Variants in JPT2 observed in about 807,000 individuals in gnomAD.
JPT2 encodes Jupiter microtubule associated homolog 2.
Under a neutral mutation model 15.9 loss-of-function variants are expected in JPT2, and 9 were observed. The ratio of observed to expected loss-of-function variants is 0.57; its 90% CI spans 0.34 to 0.99. The LOEUF is 0.99. Among genes scored for constraint, JPT2 ranks in the 50% least tolerant of loss-of-function variants. The probability of loss-of-function intolerance (pLI) is 0.02; values close to 1 mark genes in which losing one functional copy is unlikely to be tolerated. For synonymous variants in JPT2, 95 were observed against 91.7 expected (o/e 1.04, Z -0.21); for missense variants, 267 against 252.1 (o/e 1.06, Z -0.40).
chr16:1,683,463 C>T, intron 1 of JPT2: 1 of 1,263,978 alleles, frequency 7.9e-7, no homozygotes, highest in Non-Finnish European at 1.1e-6. Flanking sequence ...AATAATTTTT[C>T]TTAAGTGCAC....
rs1003830133 is a variant in JPT2, at chr16:1,698,693, A to C, written c.386-118A>C. 2.1e-6 allele frequency: 2 copies of C among 972,336 alleles called. No homozygotes were observed. Among genetic ancestry groups the C allele is most frequent in the African/African-American group, 3.3e-5 (2 of 60,494 alleles). 60.2% of individuals were successfully genotyped at this position (972,336 alleles called of 1,614,324 possible). A position where few individuals can be genotyped will look rare whatever the true frequency, so the allele number is the denominator to read the frequency against. On this transcript the variant is annotated intron_variant, in intron 4 of 4. Transcript: ENST00000248098. The surrounding 1 kb of genome is among the most constrained non-coding windows in gnomAD (Gnocchi z 4.9). Reference sequence around the variant, plus strand: ...CTGTCTATATTGTCTTCTCTTTCCCAGTTACAGCATGAATTTCTTGCAGGT... The same window carrying C: ...CTGTCTATATTGTCTTCTCTTTCCCCGTTACAGCATGAATTTCTTGCAGGT...
Position 1,698,672 on chromosome 16 carries a change from C to G in JPT2, c.386-139C>G. ...TTTTGGTACCAGATGAAAAGCCTGT[C>G]TATATTGTCTTCTCTTTCCCAGTTA... On this transcript the variant is annotated intron_variant, in intron 4 of 4. Transcript: ENST00000248098. This position sits in a 1 kb window ranked among gnomAD's most constrained non-coding sequence, Gnocchi z 4.9. The G allele has an allele frequency of 3.6e-6, 3 of 822,548 alleles. No homozygotes were observed. Among genetic ancestry groups the G allele is most frequent in the South Asian group, 3.7e-5 (2 of 53,782 alleles). 51.0% of individuals were successfully genotyped at this position (822,548 alleles called of 1,614,324 possible). A position where few individuals can be genotyped will look rare whatever the true frequency, so the allele number is the denominator to read the frequency against.
intron 3 of JPT2, among the ~76,000 whole-genome samples, chr16:1,697,346 C>G (rs1368195237): frequency 6.6e-6 from 1 of 151,964 alleles, no homozygotes; most frequent in African/African-American, 2.4e-5. Context: ...AACCCTGTCT[C>G]TACAAAAAAT....
In JPT2 at chr16:1,699,142, A is replaced by T; in HGVS notation, c.*144A>T. 1.2e-6 allele frequency: 1 copy of T among 860,868 alleles called. No homozygotes were observed. The allele number at this position is 860,868 out of a possible 1,614,324, so 53.3% of individuals were successfully genotyped here. A position where few individuals can be genotyped will look rare whatever the true frequency, so the allele number is the denominator to read the frequency against. On this transcript the variant is annotated 3_prime_UTR_variant, in exon 5 of 5. Transcript: ENST00000248098. ...GGCTGCTCAGCGTCTCCTGGCCGTC[A>T]TGACAGCTGCTTGGAGACCCGTGCC...
chr16:1,697,684 G>A, intron 3 of JPT2, 128 bp from the exon 4 acceptor site: 1 of 760,494 alleles, frequency 1.3e-6, no homozygotes, highest in Non-Finnish European at 2.3e-6. Context: ...GATTGGGGGG[G>A]TCCTGAGGTC....
At chr16:1,685,300 C>A in intron 1 of JPT2, 139 bp from the exon 2 acceptor site, 1 of 896,862 alleles carries the variant, frequency 1.1e-6, no homozygotes, top group Admixed American at 2.6e-5. Context: ...TGCGCTCCAG[C>A]CTGGGTGACA....
intron 2 of JPT2, among the ~76,000 whole-genome samples, chr16:1,691,562 GA>G (rs1028237886): frequency 6.6e-6 from 1 of 152,152 alleles, no homozygotes; most frequent in Non-Finnish European, 1.5e-5. Context: ...ATTCTAGAGG[GA>G]AAATCTGCAG....
rs1180848538 is a variant in JPT2 at position 1,701,976 on chromosome 16, G to A, written c.*2978G>A. 2.7e-6 allele frequency: 1 copy of A among 363,764 alleles called. No individual in the cohort carries two copies. Among genetic ancestry groups the A allele is most frequent in the Non-Finnish European group, 5.6e-6 (1 of 178,086 alleles). 22.5% of individuals were successfully genotyped at this position (363,764 alleles called of 1,614,324 possible). A position where few individuals can be genotyped will look rare whatever the true frequency, so the allele number is the denominator to read the frequency against. Reference sequence around the variant, plus strand: ...CAGGAGGATCACTTGAGACCAGGAGGTTGTGGCTGTAGTGAGTGATGATCA... The same window carrying A: ...CAGGAGGATCACTTGAGACCAGGAGATTGTGGCTGTAGTGAGTGATGATCA... On this transcript the variant is annotated 3_prime_UTR_variant, in exon 5 of 5. Transcript: ENST00000248098.
downstream of JPT2, among the ~76,000 whole-genome samples, chr16:1,702,858 T>TA (rs1287780482): frequency 5.9e-5 from 9 of 152,342 alleles, no homozygotes; most frequent in South Asian, 1.0e-3. Flanking sequence ...TTTAGAAACT[T>TA]ACATTTTATA....
chr16:1,691,908 C>G lies in JPT2; in HGVS notation c.259C>G (p.Pro87Ala). 6.2e-7 allele frequency: 1 copy of G among 1,614,148 alleles called. No homozygotes were observed. The highest frequency in any genetic ancestry group is 8.5e-7 in the Non-Finnish European group (1 of 1,180,032). ...PVQTRQHLNP[P>A]GGKTSDIFGS... Reference sequence around the variant, plus strand: ...GCAGACTCGACAGCACCTGAACCCACCTGGAGGGAAGACCAGCGACATTTT... The same window carrying G: ...GCAGACTCGACAGCACCTGAACCCAGCTGGAGGGAAGACCAGCGACATTTT... Residue 87 changes from proline (P) to alanine (A), a missense_variant, in exon 3 of 5, where the codon CCT becomes GCT. Physicochemically the swap from Pro to Ala is conservative, Grantham distance 27 (BLOSUM62 -1). Coordinates refer to ENST00000248098, the MANE Select transcript of JPT2 (RefSeq NM_144570.3).
chr16:1,687,436 C>A (rs1464016801), intron 2 of JPT2, among the ~76,000 whole-genome samples: 35 of 152,126 alleles, frequency 2.3e-4, no homozygotes, highest in Admixed American at 2.3e-3. Flanking sequence ...TCCTTTTTAG[C>A]AAGGATAGCA....
At chr16:1,691,529 A>G (rs75087069) in intron 2 of JPT2, among the ~76,000 whole-genome samples, 2,930 of 152,300 alleles carry the variant, frequency 0.019, 117 homozygotes, top group African/African-American at 0.067. Flanking sequence ...ACAGGAAAGC[A>G]TGAAATGTTC....
intron 2 of JPT2, among the ~76,000 whole-genome samples, chr16:1,687,391 C>T (rs1353776191): frequency 1.3e-5 from 2 of 152,054 alleles, no homozygotes; most frequent in South Asian, 2.1e-4. Flanking sequence ...TCGTTGTTTC[C>T]GGTTTATGAA....
At chr16:1,691,422 T>C (rs918119481) in intron 2 of JPT2, among the ~76,000 whole-genome samples, 1 of 152,238 alleles carries the variant, frequency 6.6e-6, no homozygotes, top group African/African-American at 2.4e-5. Context: ...GGGCATGTTA[T>C]TAAATTCAGA....
chr16:1,696,462 A>G (rs2037142882), intron 3 of JPT2, among the ~76,000 whole-genome samples: 1 of 151,886 alleles, frequency 6.6e-6, no homozygotes, highest in Non-Finnish European at 1.5e-5. Context: ...CAAAGGGCGC[A>G]GTGAGCCGAG....
Position 1,700,316 on chromosome 16 carries a change from C to T in JPT2, c.*1318C>T. Reference sequence around the variant, plus strand: ...TGCTTTCATCTTCAGGCAGAAGCCTCTGCCCATCCCCCTCAAGGGCTGCAG... The same window carrying T: ...TGCTTTCATCTTCAGGCAGAAGCCTTTGCCCATCCCCCTCAAGGGCTGCAG... On this transcript the variant is annotated 3_prime_UTR_variant, in exon 5 of 5. Transcript: ENST00000248098. 1 of 369,424 alleles carries T rather than the reference C, an allele frequency of 2.7e-6. No homozygotes were observed. Among genetic ancestry groups the T allele is most frequent in the Non-Finnish European group, 5.6e-6 (1 of 177,902 alleles). The allele number at this position is 369,424 out of a possible 1,614,324, so 22.9% of individuals were successfully genotyped here.
intron 2 of JPT2, chr16:1,689,647 T>G (rs2037091080): frequency 6.6e-6 from 1 of 152,218 alleles, no homozygotes; most frequent in Non-Finnish European, 1.5e-5. Context: ...CTCACTTGTT[T>G]CCCACGCTAG....
Position 1,701,840 on chromosome 16 carries a change from C to T in JPT2, c.*2842C>T, listed in dbSNP as rs1022973378. 9.8e-6 allele frequency: 2 copies of T among 204,702 alleles called. No homozygotes were observed. The highest frequency in any genetic ancestry group is 2.1e-5 in the Non-Finnish European group (2 of 96,036). 12.7% of individuals were successfully genotyped at this position (204,702 alleles called of 1,614,324 possible). On this transcript the variant is annotated 3_prime_UTR_variant, in exon 5 of 5. Transcript: ENST00000248098. Reference sequence around the variant, plus strand: ...TCACTTGAGCTCAGGAGTTTGAGACCAGCCTAGACAACATACTACGACCCT... The same window carrying T: ...TCACTTGAGCTCAGGAGTTTGAGACTAGCCTAGACAACATACTACGACCCT...
intron 1 of JPT2, among the ~76,000 whole-genome samples, chr16:1,681,553 C>G (rs1396446485): frequency 6.6e-6 from 1 of 152,208 alleles, no homozygotes; most frequent in Non-Finnish European, 1.5e-5. Flanking sequence ...GCCACAGACT[C>G]AATTTGGGTT....
Sources: allele counts gnomAD v4.1 joint callset (sites outside exome capture counted in the v4.1 genomes callset), GRCh38; gene constraint gnomAD v4.1.1; non-coding constraint Gnocchi (gnomAD v3.1); transcripts MANE v1.5; gene names NCBI Gene and HGNC (gene_info 2026-07-23, HGNC 2026-07-21).